B4GALT1: variants seen among roughly 807,000 people sequenced by gnomAD.
B4GALT1 encodes N-acetyllactosamine synthase.
In B4GALT1, 16 loss-of-function variants were observed where a neutral mutation model predicts 34.9. That is an observed-to-expected ratio of 0.46 (90% CI 0.31 to 0.70). The LOEUF (loss-of-function observed/expected upper bound fraction) is 0.70. B4GALT1 is among the 30% of genes least tolerant of loss of function. The pLI is 0.05. For synonymous variants in B4GALT1, 221 were observed against 218.1 expected (o/e 1.01, Z -0.12); for missense variants, 445 against 530.5 (o/e 0.84, Z 1.58).
At chr9:33,122,170 G>A (rs1448211646) in intron 2 of B4GALT1, among the ~76,000 whole-genome samples, 2 of 152,104 alleles carry the variant, frequency 1.3e-5, no homozygotes, top group Non-Finnish European at 2.9e-5. Context: ...AGGGGCTTGC[G>A]ACTGGTACAC....
At chr9:33,178,166 AT>A in the B4GALT1 span, among the ~76,000 whole-genome samples, 1 of 151,340 alleles carries the variant, frequency 6.6e-6, no homozygotes, top group African/African-American at 2.4e-5. Flanking sequence ...TAATTTTTGT[AT>A]TTTTAGTAGA....
chr9:33,122,382 G>T (rs568945803), intron 2 of B4GALT1, among the ~76,000 whole-genome samples: 1 of 152,140 alleles, frequency 6.6e-6, no homozygotes, highest in Admixed American at 6.5e-5. Flanking sequence ...TGCCAGGCAT[G>T]GTGGTCCCTA....
At chr9:33,121,565 G>A (rs1485475052) in intron 2 of B4GALT1, among the ~76,000 whole-genome samples, 1 of 147,962 alleles carries the variant, frequency 6.8e-6, no homozygotes, top group Non-Finnish European at 1.5e-5. Context: ...GTAGAGATGG[G>A]TTTCACGTTG....
the B4GALT1 span, among the ~76,000 whole-genome samples, chr9:33,173,417 A>C: frequency 0.011 from 1,441 of 136,030 alleles, 22 homozygotes; most frequent in African/African-American, 0.036. Flanking sequence ...AAAAAAAAGC[A>C]AAAAAAAAAA....
At chr9:33,174,973 AAAAAAAAAAAAAAAAAAATATATATATAT>A in the B4GALT1 span, among the ~76,000 whole-genome samples, 2 of 34,488 alleles carry the variant, frequency 5.8e-5, no homozygotes, top group African/African-American at 1.8e-4. Flanking sequence ...AAAAAAAAAA[AAAAAAAAAAAAAAAAAAATATATATATAT>A]ATATATATAT....
intron 2 of B4GALT1, among the ~76,000 whole-genome samples, chr9:33,126,663 A>ACCATTGTTAACATTGT (rs1554685864): frequency 1.3e-5 from 2 of 151,394 alleles, no homozygotes; most frequent in African/African-American, 2.4e-5. Flanking sequence ...AACCATAGCA[A>ACCATTGTTAACATTGT]TATGGTAGCT....
At chr9:33,116,185 T>C (rs1839935084) in intron 3 of B4GALT1, 72 bp from the exon 4 acceptor site, 3 of 1,552,510 alleles carry the variant, frequency 1.9e-6, no homozygotes, top group African/African-American at 1.4e-5. Context: ...TAAAGCTTGC[T>C]GAGAACATAA....
At chr9:33,176,608 A>G in the B4GALT1 span, among the ~76,000 whole-genome samples, 2 of 152,228 alleles carry the variant, frequency 1.3e-5, no homozygotes, top group South Asian at 4.1e-4. Context: ...GCAGGAACAG[A>G]AAACCAAGTA....
intron 2 of B4GALT1, among the ~76,000 whole-genome samples, chr9:33,122,303 A>T (rs1055103176): frequency 2.0e-5 from 3 of 152,048 alleles, no homozygotes; most frequent in Non-Finnish European, 4.4e-5. Context: ...AGATCACTTG[A>T]GTCTAGGAGC....
intron 1 of B4GALT1, among the ~76,000 whole-genome samples, chr9:33,141,943 C>A (rs1564047285): frequency 2.0e-5 from 3 of 152,164 alleles, no homozygotes; most frequent in African/African-American, 7.2e-5. Flanking sequence ...GTTTCAAAAT[C>A]TAACTCATGA....
At chr9:33,147,511 T>C (rs1053155080) in intron 1 of B4GALT1, among the ~76,000 whole-genome samples, 1 of 149,472 alleles carries the variant, frequency 6.7e-6, no homozygotes, top group Non-Finnish European at 1.5e-5. Flanking sequence ...CCTCCCAGAA[T>C]GCTGGGATTA....
chr9:33,148,390 G>A (rs1385090495), intron 1 of B4GALT1, among the ~76,000 whole-genome samples: 1 of 152,168 alleles, frequency 6.6e-6, no homozygotes, highest in Non-Finnish European at 1.5e-5. Context: ...CTCTGCTGGT[G>A]GAAATGTAAA....
At chr9:33,123,016 C>T (rs898966815) in intron 2 of B4GALT1, among the ~76,000 whole-genome samples, 7 of 152,194 alleles carry the variant, frequency 4.6e-5, no homozygotes, top group Admixed American at 1.3e-4. Flanking sequence ...CAGTGGCTCA[C>T]GTATGTAATC....
intron 3 of B4GALT1, among the ~76,000 whole-genome samples, chr9:33,120,010 C>T (rs1839996634): frequency 6.6e-6 from 1 of 151,966 alleles, no homozygotes; most frequent in Admixed American, 6.6e-5. Flanking sequence ...ACAGCAAAAC[C>T]CCATCTCTAC....
intron 2 of B4GALT1, among the ~76,000 whole-genome samples, chr9:33,125,129 G>C (rs1020542633): frequency 6.6e-6 from 1 of 152,190 alleles, no homozygotes; most frequent in Non-Finnish European, 1.5e-5. Flanking sequence ...ATCCCCAAAT[G>C]ATTGAGCAGA....
downstream of B4GALT1, among the ~76,000 whole-genome samples, chr9:33,107,476 T>C (rs1432634171): frequency 1.3e-5 from 2 of 150,856 alleles, no homozygotes; most frequent in Admixed American, 6.6e-5. Flanking sequence ...CAAACATGTC[T>C]CGCCCAGGGA....
Position 33,122,128 on chromosome 9 carries a change from G to C in B4GALT1, c.649-1522C>G, listed in dbSNP as rs116480083. On this transcript the variant is annotated intron_variant, in intron 2 of 5. Transcript: ENST00000379731. The stretch of plus-strand genomic sequence containing the variant: ...ATCTCTCTTGGGATCAACATAGTCA[G>C]AGCCCTCTACTTTGGGGAAAAAGTG... 9.2e-3 allele frequency among the ~76,000 whole-genome samples: 1,408 copies of C among 152,270 alleles called. 18 individuals are homozygous for C. The highest frequency in any genetic ancestry group is 0.032 in the African/African-American group (1,348 of 41,548).
chr9:33,129,794 CCAGAGACACA>C (rs1840166591), intron 2 of B4GALT1, among the ~76,000 whole-genome samples: 1 of 152,036 alleles, frequency 6.6e-6, no homozygotes. Context: ...TAAAAGATAG[CCAGAGACACA>C]CTAGGAACAC....
chr9:33,115,843 G>T, intron 4 of B4GALT1, 148 bp downstream of exon 4: 1 of 1,000,632 alleles, frequency 1.0e-6, no homozygotes, highest in Non-Finnish European at 1.5e-6. Context: ...GCACCTGCAG[G>T]ACCTGTAGGA....
Sources: allele counts gnomAD v4.1 joint callset (sites outside exome capture counted in the v4.1 genomes callset), GRCh38; gene constraint gnomAD v4.1.1; transcripts MANE v1.5; gene names NCBI Gene and HGNC (gene_info 2026-07-23, HGNC 2026-07-21).